TBC1D14: variants seen among roughly 807,000 people sequenced by gnomAD.
The protein encoded by TBC1D14 is TBC1 domain family, member 14.
In TBC1D14, 26 loss-of-function variants were observed where a neutral mutation model predicts 79.0. That is an observed-to-expected ratio of 0.33 (90% CI 0.24 to 0.46). TBC1D14 has a LOEUF of 0.46. Among genes scored for constraint, TBC1D14 ranks in the 20% least tolerant of loss-of-function variants. The pLI is 1.00. For synonymous variants in TBC1D14, 394 were observed against 349.9 expected (o/e 1.13, Z -1.40); for missense variants, 769 against 887.6 (o/e 0.87, Z 1.70).
At chr4:6,960,275 A>G (rs1219081450) in intron 2 of TBC1D14, among the ~76,000 whole-genome samples, 2 of 141,442 alleles carry the variant, frequency 1.4e-5, no homozygotes, top group East Asian at 2.1e-4. Context: ...TATTTTTTGT[A>G]GAGACAAGGT....
intron 3 of TBC1D14, among the ~76,000 whole-genome samples, chr4:6,984,408 G>A (rs1361852432): frequency 6.6e-6 from 1 of 152,116 alleles, no homozygotes; most frequent in Non-Finnish European, 1.5e-5. Context: ...TCAGTCTTGT[G>A]TGCATAGAAA....
At position 6,926,051 on chromosome 4, in the gene TBC1D14, T is replaced by A. The variant is rs143859660; in HGVS notation, c.722+1940T>A. On this transcript the variant is annotated intron_variant, in intron 2 of 13. Coordinates refer to ENST00000409757, the MANE Select transcript of TBC1D14 (RefSeq NM_020773.3). Reference sequence around the variant, plus strand: ...GTCCAGCTCTGTGCCCTTGAACAAGTTCCTTCACCTCCCAGTCAGTTTTCT... The same window carrying A: ...GTCCAGCTCTGTGCCCTTGAACAAGATCCTTCACCTCCCAGTCAGTTTTCT... Among the ~76,000 whole-genome samples the A allele has an allele frequency of 5.6e-4, 85 of 152,292 alleles. No individual in the cohort carries two copies. The East Asian group carries it at 9.7e-3, about 17-fold the overall frequency.
intron 6 of TBC1D14, among the ~76,000 whole-genome samples, chr4:7,000,047 G>T (rs1020909412): frequency 1.3e-5 from 2 of 152,182 alleles, no homozygotes; most frequent in African/African-American, 2.4e-5. Flanking sequence ...CACTGCAGGG[G>T]TCACGCGGCC....
intron 2 of TBC1D14, among the ~76,000 whole-genome samples, chr4:6,939,054 C>G (rs987939971): frequency 4.6e-5 from 7 of 152,212 alleles, no homozygotes; most frequent in Admixed American, 3.9e-4. Flanking sequence ...CTCTCCGGCT[C>G]AGCCGGTGGC....
intron 11 of TBC1D14, among the ~76,000 whole-genome samples, chr4:7,012,546 TAGG>T (rs1227458873): frequency 6.6e-6 from 1 of 152,182 alleles, no homozygotes; most frequent in African/African-American, 2.4e-5. Context: ...GAAATGAGGT[TAGG>T]AGAATGCAGA....
At chr4:7,028,207 C>T (rs937263334) in intron 13 of TBC1D14, among the ~76,000 whole-genome samples, 1 of 151,956 alleles carries the variant, frequency 6.6e-6, no homozygotes, top group Non-Finnish European at 1.5e-5. Flanking sequence ...CAGGTCAGTC[C>T]CTGCGCATCC....
Position 7,024,987 on chromosome 4 carries a change from C to A in TBC1D14, c.1758-17C>A. ...GAGAGATTCAAAATCTGAAAAATTC[C>A]AACTTTTACCCCCTAGGATCTTTAC... is the stretch of plus-strand genomic sequence containing the variant. On this transcript the variant is annotated splice_polypyrimidine_tract_variant and intron_variant, in intron 12 of 13. Coordinates refer to ENST00000409757, the MANE Select transcript of TBC1D14 (RefSeq NM_020773.3). The A allele has an allele frequency of 6.2e-7, 1 of 1,610,264 alleles. No individual in the cohort carries two copies. The highest frequency in any genetic ancestry group is 2.2e-5 in the East Asian group (1 of 44,800).
At chr4:6,959,747 G>A (rs1163462133) in intron 2 of TBC1D14, among the ~76,000 whole-genome samples, 4 of 152,170 alleles carry the variant, frequency 2.6e-5, no homozygotes, top group Admixed American at 1.3e-4. Context: ...TACCAGCAGC[G>A]CATCACTGAA....
intron 2 of TBC1D14, among the ~76,000 whole-genome samples, chr4:6,962,653 A>AC (rs1271159704): frequency 1.3e-5 from 2 of 150,868 alleles, no homozygotes; most frequent in Admixed American, 6.6e-5. Context: ...CCTACTGGCC[A>AC]CCCCCCAGCT....
intron 2 of TBC1D14, among the ~76,000 whole-genome samples, chr4:6,964,298 T>C (rs191432053): frequency 3.1e-4 from 47 of 152,308 alleles, no homozygotes; most frequent in Non-Finnish European, 5.1e-4. Flanking sequence ...TTCTCCTTTC[T>C]GCACATCCCC....
At chr4:6,978,145 C>T (rs1471967591) in intron 3 of TBC1D14, among the ~76,000 whole-genome samples, 7 of 149,140 alleles carry the variant, frequency 4.7e-5, no homozygotes, top group Admixed American at 6.7e-5. Context: ...CCCGGCTAGC[C>T]GCCCCGTCCG....
At chr4:6,938,976 G>C (rs1224907212) in intron 2 of TBC1D14, among the ~76,000 whole-genome samples, 1 of 152,180 alleles carries the variant, frequency 6.6e-6, no homozygotes, top group Non-Finnish European at 1.5e-5. Flanking sequence ...CCCAGGCTCT[G>C]TGGGCTGGCC....
chr4:6,936,930 T>G (rs1040507802), intron 2 of TBC1D14, among the ~76,000 whole-genome samples: 2 of 152,224 alleles, frequency 1.3e-5, no homozygotes, highest in African/African-American at 4.8e-5. Flanking sequence ...ACTTATTTAT[T>G]TTTTGAGACA....
intron 7 of TBC1D14, among the ~76,000 whole-genome samples, chr4:7,004,081 A>G (rs1719942920): frequency 2.6e-5 from 4 of 152,156 alleles, no homozygotes; most frequent in Admixed American, 2.0e-4. Flanking sequence ...GGGCGCTGAG[A>G]AGGAGCTCTG....
At chr4:6,936,924 A>G (rs1265924953) in intron 2 of TBC1D14, among the ~76,000 whole-genome samples, 1 of 150,148 alleles carries the variant, frequency 6.7e-6, no homozygotes, top group Non-Finnish European at 1.5e-5. Flanking sequence ...TTACTTACTT[A>G]TTTATTTTTT....
intron 2 of TBC1D14, among the ~76,000 whole-genome samples, chr4:6,939,024 G>A (rs1712623648): frequency 6.6e-6 from 1 of 152,184 alleles, no homozygotes; most frequent in African/African-American, 2.4e-5. Context: ...ACACCATGGG[G>A]AAGAGATGCT....
intron 1 of TBC1D14, chr4:6,910,736 C>A (rs942609816): frequency 1.3e-5 from 2 of 152,292 alleles, no homozygotes; most frequent in Non-Finnish European, 1.5e-5. Flanking sequence ...CTGCGAGCCC[C>A]GGGGTGACCG....
At chr4:6,936,471 C>CT (rs1560259622) in intron 2 of TBC1D14, among the ~76,000 whole-genome samples, 1 of 152,152 alleles carries the variant, frequency 6.6e-6, no homozygotes, top group African/African-American at 2.4e-5. Context: ...TAGCTCATTT[C>CT]TTTTTAGCAC....
At chr4:7,001,386 T>G in intron 7 of TBC1D14, 135 bp downstream of exon 7, 1 of 759,856 alleles carries the variant, frequency 1.3e-6, no homozygotes, top group Non-Finnish European at 2.2e-6. Context: ...ACTGTGTCCT[T>G]CAGGAGAGAG....
Sources: gnomAD v4.1 joint callset for allele counts (sites outside exome capture counted in the v4.1 genomes callset) on GRCh38, gnomAD v4.1.1 for gene constraint, MANE v1.5 for transcripts, NCBI Gene and HGNC (gene_info 2026-07-23, HGNC 2026-07-21) for gene names.